Variants in ACADL observed in about 807,000 individuals in gnomAD.
ACADL encodes long-chain specific acyl-CoA dehydrogenase, mitochondrial.
ACADL carries 60 observed loss-of-function variants against 56.9 expected under a neutral mutation model. The ratio of observed to expected loss-of-function variants is 1.05; its 90% CI spans 0.86 to 1.31. The LOEUF is 1.31. Among genes scored for constraint, ACADL ranks in the 50% most tolerant of loss-of-function variants. The pLI is 0.00. For missense variants in ACADL, 484 were observed against 525.5 expected (o/e 0.92, Z 0.77); for synonymous variants, 158 against 179.7 (o/e 0.88, Z 0.97).
Position 210,225,222 on chromosome 2 carries a change from G to A in ACADL, c.42C>T (p.Gly14=). The A allele has an allele frequency of 6.5e-7, 1 of 1,548,650 alleles. No homozygotes were observed. The highest frequency in any genetic ancestry group is 1.9e-5 in the Admixed American group (1 of 52,778). The change falls in exon 1 of 11, where the codon GGC becomes GGT. Residue 14 remains glycine, a synonymous_variant. Coordinates refer to ENST00000233710, the MANE Select transcript of ACADL (RefSeq NM_001608.4). ...GCAGCTGGCGCGGCGCACGGTGGCC[G>A]CCCAGGACGCGTAGGGACCCTCGGA... The part of the protein sequence containing the change: ...RLLRGSLRVL[G]GHRAPRQLPA...
At chr2:210,212,283 A>G (rs72990896) in intron 4 of ACADL, among the ~76,000 whole-genome samples, 4,013 of 152,258 alleles carry the variant, frequency 0.026, 75 homozygotes, top group Non-Finnish European at 0.039. Flanking sequence ...TAGAGAGACT[A>G]TCATGAATTA....
At chr2:210,200,145 A>G (rs1225551970) in intron 8 of ACADL, among the ~76,000 whole-genome samples, 2 of 123,900 alleles carry the variant, frequency 1.6e-5, no homozygotes, top group Admixed American at 9.8e-5. Context: ...AGTTGAGAAA[A>G]TCAGAGTGAT....
chr2:210,202,202 C>T (rs528469825), intron 8 of ACADL, among the ~76,000 whole-genome samples: 1 of 152,240 alleles, frequency 6.6e-6, no homozygotes, highest in East Asian at 1.9e-4. Flanking sequence ...AAGTGATTCT[C>T]CTGCCTCAGC....
At chr2:210,209,551 T>C (rs901153006) in intron 5 of ACADL, 1 of 152,022 alleles carries the variant, frequency 6.6e-6, no homozygotes, top group African/African-American at 2.4e-5. Context: ...TTTTTTTTTT[T>C]CTTTGAGAGG....
rs374042736 is a variant in ACADL at position 210,216,305 on chromosome 2, C to T, written c.536+42G>A. ...ACCAAGTACTAAGAAAATGTTAAGG[C>T]ACTGCTTCCAAGAATCCAAAGCCAA... On this transcript the variant is annotated intron_variant, in intron 4 of 10. Coordinates refer to ENST00000233710, the MANE Select transcript of ACADL (RefSeq NM_001608.4). 2.5e-6 allele frequency: 4 copies of T among 1,606,922 alleles called. No homozygotes were observed. In the South Asian group the frequency reaches 4.4e-5, roughly 18 times the overall value.
intron 4 of ACADL, among the ~76,000 whole-genome samples, chr2:210,211,277 T>A (rs1688973889): frequency 6.6e-6 from 1 of 152,208 alleles, no homozygotes. Context: ...GGATTTACCA[T>A]AATTTTAAGA....
chr2:210,201,846 C>T (rs544415664), intron 8 of ACADL, among the ~76,000 whole-genome samples: 47 of 152,204 alleles, frequency 3.1e-4, no homozygotes, highest in African/African-American at 1.0e-3. Flanking sequence ...AGTTCTTTTG[C>T]AAAAACCCTC....
At chr2:210,191,648 A>G (rs1267048080) in intron 10 of ACADL, among the ~76,000 whole-genome samples, 1 of 152,228 alleles carries the variant, frequency 6.6e-6, no homozygotes, top group Non-Finnish European at 1.5e-5. Context: ...TAAATTTGAA[A>G]TCATTAGGCT....
intron 10 of ACADL, among the ~76,000 whole-genome samples, chr2:210,190,923 G>GTTTTT (rs55775332): frequency 2.8e-5 from 4 of 142,314 alleles, no homozygotes; most frequent in African/African-American, 1.0e-4. Flanking sequence ...GTTGTTGTTT[G>GTTTTT]TTTTTTTTTT....
intron 5 of ACADL, among the ~76,000 whole-genome samples, chr2:210,207,617 C>T (rs1688909271): frequency 6.6e-6 from 1 of 152,128 alleles, no homozygotes; most frequent in Non-Finnish European, 1.5e-5. Context: ...TACAACACCT[C>T]AAATTTACCA....
intron 8 of ACADL, among the ~76,000 whole-genome samples, chr2:210,203,047 CCTTT>C (rs1291454328): frequency 4.6e-5 from 7 of 152,164 alleles, no homozygotes; most frequent in Admixed American, 4.6e-4. Context: ...TTTGCTTTCT[CCTTT>C]CTGTTTATTC....
intron 8 of ACADL, among the ~76,000 whole-genome samples, chr2:210,199,767 C>T (rs1688764176): frequency 2.6e-5 from 4 of 152,042 alleles, no homozygotes; most frequent in Admixed American, 2.6e-4. Context: ...AGCAGGGAGA[C>T]AGGGTCTTGC....
intron 5 of ACADL, among the ~76,000 whole-genome samples, chr2:210,208,499 T>C (rs1216530237): frequency 6.6e-6 from 1 of 152,192 alleles, no homozygotes; most frequent in East Asian, 1.9e-4. Flanking sequence ...AAAGTTTGAA[T>C]AGGGCTGAAA....
intron 4 of ACADL, among the ~76,000 whole-genome samples, chr2:210,213,971 A>G (rs976236353): frequency 6.6e-6 from 1 of 152,150 alleles, no homozygotes; most frequent in Non-Finnish European, 1.5e-5. Flanking sequence ...GCTTGAGTCC[A>G]TGAGTTTCAG....
intron 8 of ACADL, among the ~76,000 whole-genome samples, chr2:210,196,441 G>T (rs1465606033): frequency 2.6e-5 from 4 of 151,998 alleles, no homozygotes; most frequent in South Asian, 4.1e-4. Context: ...TACTGGCCAT[G>T]GACAACCCAT....
chr2:210,222,664 A>G (rs1181150154), intron 1 of ACADL, among the ~76,000 whole-genome samples: 1 of 152,184 alleles, frequency 6.6e-6, no homozygotes, highest in Non-Finnish European at 1.5e-5. Flanking sequence ...ACTAGAGCAA[A>G]GGCTGTATGT....
intron 4 of ACADL, 148 bp from the exon 5 acceptor site, chr2:210,210,410 T>G (rs1688959621): frequency 1.7e-6 from 1 of 598,348 alleles, no homozygotes; most frequent in South Asian, 2.0e-5. Flanking sequence ...ACAATTGCAC[T>G]GAAAAACCAT....
At chr2:210,218,158 C>T in intron 2 of ACADL, 56 bp from the exon 3 acceptor site, 1 of 1,486,452 alleles carries the variant, frequency 6.7e-7, no homozygotes, top group Non-Finnish European at 9.2e-7. Flanking sequence ...TTTAAATGGC[C>T]ACAACTTTGA....
At chr2:210,213,430 G>A (rs1236998043) in intron 4 of ACADL, among the ~76,000 whole-genome samples, 1 of 152,028 alleles carries the variant, frequency 6.6e-6, no homozygotes, top group Non-Finnish European at 1.5e-5. Context: ...AGCCTAGGAG[G>A]TGGAGGTTGC....
Sources: allele counts gnomAD v4.1 joint callset (sites outside exome capture counted in the v4.1 genomes callset), GRCh38; gene constraint gnomAD v4.1.1; transcripts MANE v1.5; gene names NCBI Gene and HGNC (gene_info 2026-07-23, HGNC 2026-07-21).